The following ADGRB3 variants were observed in gnomAD, a reference collection of about 807,000 sequenced individuals.
ADGRB3 encodes brain-specific angiogenesis inhibitor 3.
Under a neutral mutation model 193.4 loss-of-function variants are expected in ADGRB3, and 37 were observed. The observed-to-expected ratio is 0.19, with a 90% CI of 0.15 to 0.25. The LOEUF is 0.25. Ranked by LOEUF, ADGRB3 falls within the 10% of genes least tolerant of loss-of-function variation. The probability of loss-of-function intolerance (pLI) is 1.00; values close to 1 mark genes in which losing one functional copy is unlikely to be tolerated. For missense variants in ADGRB3, 1,637 were observed against 1,852.9 expected, an observed-to-expected ratio of 0.88 and a Z score of 2.14; for synonymous variants, 690 against 644.2, an observed-to-expected ratio of 1.07 and a Z score of -1.08.
At chr6:68,859,526 A>T (rs1298187673) in intron 3 of ADGRB3, among the ~76,000 whole-genome samples, 3 of 152,194 alleles carry the variant, frequency 2.0e-5, no homozygotes, top group Non-Finnish European at 2.9e-5. Flanking sequence ...TTACACTTTG[A>T]CATTGCTTGA....
chr6:69,024,524 T>C (rs1166911738), intron 13 of ADGRB3, among the ~76,000 whole-genome samples: 1 of 152,192 alleles, frequency 6.6e-6, no homozygotes, highest in Non-Finnish European at 1.5e-5. Flanking sequence ...ATTTCACAAC[T>C]GTTCCTTAGG....
chr6:69,296,502 A>C (rs965919474), intron 20 of ADGRB3, among the ~76,000 whole-genome samples: 2 of 152,152 alleles, frequency 1.3e-5, no homozygotes, highest in African/African-American at 4.8e-5. Flanking sequence ...AGAGCCCTAC[A>C]TGTCAGAAAA....
intron 30 of ADGRB3, among the ~76,000 whole-genome samples, chr6:69,381,757 A>G (rs1048625513): frequency 6.6e-6 from 1 of 151,910 alleles, no homozygotes; most frequent in African/African-American, 2.4e-5. Context: ...GAAACAATGG[A>G]CCAAATATTC....
chr6:69,233,448 G>A, intron 18 of ADGRB3, 32 bp downstream of exon 18: 1 of 1,612,638 alleles, frequency 6.2e-7, no homozygotes, highest in Non-Finnish European at 8.5e-7. Flanking sequence ...CGGCTTTAAC[G>A]CAAAGACAGG....
chr6:69,130,534 C>G (rs1311045490), intron 17 of ADGRB3, among the ~76,000 whole-genome samples: 2 of 149,408 alleles, frequency 1.3e-5, no homozygotes, highest in East Asian at 4.0e-4. Flanking sequence ...AGCCCCTCAA[C>G]TGGGCTTCCA....
At chr6:69,154,591 A>C (rs1256229411) in intron 17 of ADGRB3, among the ~76,000 whole-genome samples, 1 of 152,146 alleles carries the variant, frequency 6.6e-6, no homozygotes, top group African/African-American at 2.4e-5. Context: ...TTCAGATCAC[A>C]TCTCCAGTCT....
At chr6:68,676,710 G>A (rs1036547684) in intron 3 of ADGRB3, among the ~76,000 whole-genome samples, 5 of 151,964 alleles carry the variant, frequency 3.3e-5, no homozygotes, top group African/African-American at 1.2e-4. Context: ...GTCCTTCATA[G>A]CTCTTTGTAG....
intron 3 of ADGRB3, among the ~76,000 whole-genome samples, chr6:68,792,984 T>C (rs1051295239): frequency 6.6e-5 from 10 of 152,308 alleles, no homozygotes; most frequent in African/African-American, 2.4e-4. Context: ...ACTGTTTGTT[T>C]GTCTGTTTTT....
At chr6:68,650,899 A>G (rs963690464) in intron 3 of ADGRB3, among the ~76,000 whole-genome samples, 6 of 152,160 alleles carry the variant, frequency 3.9e-5, no homozygotes, top group Non-Finnish European at 5.9e-5. Context: ...AAACAGCTTT[A>G]TGATTTTTTT....
chr6:68,882,049 A>T (rs1013626582), intron 3 of ADGRB3, among the ~76,000 whole-genome samples: 12 of 152,118 alleles, frequency 7.9e-5, no homozygotes, highest in African/African-American at 2.9e-4. Flanking sequence ...GATAAACTAG[A>T]GCCGTTAGCA....
chr6:69,117,577 G>A (rs532918024), intron 17 of ADGRB3, among the ~76,000 whole-genome samples: 3 of 151,730 alleles, frequency 2.0e-5, no homozygotes, highest in East Asian at 1.9e-4. Context: ...TAATACTTAG[G>A]AGTAAACAGG....
At chr6:68,960,006 A>G (rs936624425) in intron 8 of ADGRB3, among the ~76,000 whole-genome samples, 10 of 152,194 alleles carry the variant, frequency 6.6e-5, no homozygotes, top group Middle Eastern at 6.8e-3. Flanking sequence ...TTTCACCCCA[A>G]TATTCCCCTG....
chr6:69,030,189 T>A (rs892685158), intron 13 of ADGRB3, among the ~76,000 whole-genome samples: 1 of 152,202 alleles, frequency 6.6e-6, no homozygotes, highest in African/African-American at 2.4e-5. Context: ...GTTCAACCAT[T>A]GTGGAAGACA....
intron 17 of ADGRB3, among the ~76,000 whole-genome samples, chr6:69,121,135 T>A (rs1029315560): frequency 6.6e-6 from 1 of 151,946 alleles, no homozygotes; most frequent in Non-Finnish European, 1.5e-5. Flanking sequence ...CTGGTTTTCC[T>A]AGGCAGAGGT....
chr6:69,014,752 TG>T (rs936244280), intron 12 of ADGRB3, among the ~76,000 whole-genome samples: 1 of 152,016 alleles, frequency 6.6e-6, no homozygotes, highest in Non-Finnish European at 1.5e-5. Context: ...AGAAAAATTA[TG>T]GTTTAAAAAA....
At chr6:68,835,586 C>T (rs977369226) in intron 3 of ADGRB3, among the ~76,000 whole-genome samples, 1 of 151,828 alleles carries the variant, frequency 6.6e-6, no homozygotes, top group Non-Finnish European at 1.5e-5. Context: ...TCATTTTTAC[C>T]CTGACTCTTC....
intron 3 of ADGRB3, among the ~76,000 whole-genome samples, chr6:68,752,999 T>C (rs964651915): frequency 2.6e-5 from 4 of 152,150 alleles, no homozygotes; most frequent in African/African-American, 4.8e-5. Flanking sequence ...GCATTTGAGG[T>C]AGGGTACATG....
chr6:69,331,423 TTA>T (rs933769558), intron 23 of ADGRB3: 3 of 389,426 alleles, frequency 7.7e-6, no homozygotes, highest in Non-Finnish European at 7.0e-6. Flanking sequence ...TGCTATACAA[TTA>T]TATTTCTAAT....
intron 20 of ADGRB3, among the ~76,000 whole-genome samples, chr6:69,303,441 G>A (rs1172492638): frequency 6.6e-6 from 1 of 151,654 alleles, no homozygotes; most frequent in Non-Finnish European, 1.5e-5. Context: ...CTCCTCCTCA[G>A]CCTACTCAAC....
Sources: gnomAD v4.1 joint callset for allele counts (sites outside exome capture counted in the v4.1 genomes callset) on GRCh38, gnomAD v4.1.1 for gene constraint, MANE v1.5 for transcripts, NCBI Gene and HGNC (gene_info 2026-07-23, HGNC 2026-07-21) for gene names.